The following ADCY5 variants were observed in gnomAD, a reference collection of about 807,000 sequenced individuals.
ADCY5 encodes adenylate cyclase 5, also known as adenylate cyclase type 5.
Under a neutral mutation model 119.7 loss-of-function variants are expected in ADCY5, and 30 were observed. The ratio of observed to expected loss-of-function variants is 0.25; its 90% CI spans 0.19 to 0.34. The LOEUF is 0.34. ADCY5 is among the 10% of genes least tolerant of loss of function. ADCY5 has a pLI of 1.00. For synonymous variants in ADCY5, 753 were observed against 762.2 expected, an observed-to-expected ratio of 0.99 and a Z score of 0.20; for missense variants, 1,324 against 1,775.2, an observed-to-expected ratio of 0.75 and a Z score of 4.57.
intron 9 of ADCY5, 125 bp downstream of exon 9, chr3:123,320,624 C>T: frequency 7.4e-7 from 1 of 1,343,424 alleles, no homozygotes; most frequent in Non-Finnish European, 1.1e-6. Context: ...GGGCTCCATT[C>T]ACTCTCAGCT....
chr3:123,296,893 G>T (rs925700951), intron 16 of ADCY5: 2 of 1,147,444 alleles, frequency 1.7e-6, no homozygotes, highest in African/African-American at 1.6e-5. Context: ...CTGGAAGGCT[G>T]CACAGAGGCT....
intron 1 of ADCY5, among the ~76,000 whole-genome samples, chr3:123,360,349 G>C (rs1416841974): frequency 6.6e-6 from 1 of 152,078 alleles, no homozygotes; most frequent in Admixed American, 6.5e-5. Context: ...CTAGGATCTA[G>C]CTGCTCTGGG....
intron 6 of ADCY5, among the ~76,000 whole-genome samples, chr3:123,328,433 G>A (rs1184148835): frequency 3.9e-5 from 6 of 152,198 alleles, no homozygotes; most frequent in Admixed American, 1.3e-4. Context: ...GTGACATAAT[G>A]CTCCCACAAC....
chr3:123,362,551 G>A (rs1943284139), intron 1 of ADCY5, among the ~76,000 whole-genome samples: 1 of 152,156 alleles, frequency 6.6e-6, no homozygotes, highest in African/African-American at 2.4e-5. Context: ...TGCGCAACCG[G>A]AGAGAAATAA....
rs542554869 is a variant in ADCY5, at chr3:123,354,278, G to A, written c.1135-1697C>T. On this transcript the variant is annotated intron_variant, in intron 1 of 20. Transcript: ENST00000462833. Reference sequence around the variant, plus strand: ...CCAAAGAATGGCTGCTTGAGCCCACGGCTTCTGGAAGATTCATCAGAGGCA... The same window carrying A: ...CCAAAGAATGGCTGCTTGAGCCCACAGCTTCTGGAAGATTCATCAGAGGCA... 1.3e-3 allele frequency among the ~76,000 whole-genome samples: 201 copies of A among 152,304 alleles called. 1 individual carries two copies. Among genetic ancestry groups the A allele is most frequent in the African/African-American group, 4.6e-3 (192 of 41,556 alleles).
chr3:123,380,909 A>C (rs777362952), intron 1 of ADCY5, among the ~76,000 whole-genome samples: 28 of 152,186 alleles, frequency 1.8e-4, no homozygotes, highest in Admixed American at 1.1e-3. Flanking sequence ...ATCAGGGTTA[A>C]TGACAGGTCA....
chr3:123,297,791 C>A (rs1939612414), intron 15 of ADCY5, among the ~76,000 whole-genome samples: 1 of 152,162 alleles, frequency 6.6e-6, no homozygotes, highest in African/African-American at 2.4e-5. Flanking sequence ...GGGGCTGGTG[C>A]AAGCTAAAAT....
At chr3:123,361,466 T>A (rs1333357954) in intron 1 of ADCY5, among the ~76,000 whole-genome samples, 1 of 152,140 alleles carries the variant, frequency 6.6e-6, no homozygotes, top group South Asian at 2.1e-4. Flanking sequence ...CCATGCCCAT[T>A]AGTCACTGCC....
intron 1 of ADCY5, among the ~76,000 whole-genome samples, chr3:123,422,944 A>G (rs1364064099): frequency 6.6e-6 from 1 of 152,230 alleles, no homozygotes; most frequent in Non-Finnish European, 1.5e-5. Flanking sequence ...GAATCTGGAC[A>G]CGTGGTACAG....
intron 3 of ADCY5, among the ~76,000 whole-genome samples, chr3:123,343,019 C>T (rs1405531770): frequency 6.6e-6 from 1 of 152,348 alleles, no homozygotes; most frequent in East Asian, 1.9e-4. Context: ...GCTGGGCACC[C>T]TCTTACGGAT....
chr3:123,376,560 A>T (rs1421763904), intron 1 of ADCY5, among the ~76,000 whole-genome samples: 2 of 152,178 alleles, frequency 1.3e-5, no homozygotes, highest in Non-Finnish European at 2.9e-5. Context: ...TCAGGGCCTC[A>T]GGACACTGTC....
chr3:123,352,301 G>T lies in ADCY5; in HGVS notation c.1284+131C>A. The T allele has an allele frequency of 8.8e-7, 1 of 1,141,780 alleles. No homozygotes were observed. The highest frequency in any genetic ancestry group is 1.2e-6 in the Non-Finnish European group (1 of 835,294). The allele number at this position is 1,141,780 out of a possible 1,614,324, so 70.7% of individuals were successfully genotyped here. ...CTCTCCAGGGGAAACATTCCCCATG[G>T]GTTGGTCCCCTCCCGGGGAGTGGGG... On this transcript the variant is annotated intron_variant, in intron 2 of 20. Coordinates refer to ENST00000462833, the MANE Select transcript of ADCY5 (RefSeq NM_183357.3). This position sits in a 1 kb window ranked among gnomAD's most constrained non-coding sequence, Gnocchi z 4.8.
At chr3:123,443,113 C>T (rs770859578) in intron 1 of ADCY5, among the ~76,000 whole-genome samples, 15 of 152,212 alleles carry the variant, frequency 9.9e-5, no homozygotes, top group Non-Finnish European at 2.2e-4. Context: ...CCAGAGTGAT[C>T]CACCAGACAG....
intron 1 of ADCY5, among the ~76,000 whole-genome samples, chr3:123,399,647 A>C (rs1944701374): frequency 6.6e-6 from 1 of 152,138 alleles, no homozygotes; most frequent in Non-Finnish European, 1.5e-5. Flanking sequence ...AGTTTTCTTT[A>C]ACCTTGATGT....
intron 3 of ADCY5, 141 bp downstream of exon 3, chr3:123,347,641 G>A: frequency 9.1e-7 from 1 of 1,096,044 alleles, no homozygotes; most frequent in Non-Finnish European, 1.3e-6. Flanking sequence ...TGGAGGGGTG[G>A]GGCTGGCATG....
At position 123,325,475 on chromosome 3, in the gene ADCY5, C is replaced by T; in HGVS notation, c.1948-13G>A. ...CCTTCTCTTCTTTCTGGAAGACGAA[C>T]ACAGAGATGGGGGGAGATGAGGAGT... On this transcript the variant is annotated splice_polypyrimidine_tract_variant and intron_variant, in intron 7 of 20. Coordinates refer to ENST00000462833, the MANE Select transcript of ADCY5 (RefSeq NM_183357.3). 3 of 1,611,542 alleles carry T rather than the reference C, an allele frequency of 1.9e-6. No homozygotes were observed. The highest frequency in any genetic ancestry group is 2.5e-6 in the Non-Finnish European group (3 of 1,179,996).
intron 4 of ADCY5, among the ~76,000 whole-genome samples, chr3:123,331,573 T>A (rs1473121363): frequency 2.6e-5 from 4 of 152,220 alleles, no homozygotes; most frequent in Non-Finnish European, 5.9e-5. Context: ...AGCAAGCACA[T>A]GAGTGCCAAG....
At chr3:123,290,818 A>G (rs1367371231) in intron 18 of ADCY5, among the ~76,000 whole-genome samples, 1 of 152,138 alleles carries the variant, frequency 6.6e-6, no homozygotes, top group East Asian at 1.9e-4. Context: ...AAGTTCAAAC[A>G]GTGTGGGCTG....
chr3:123,431,389 T>C (rs1945519540), intron 1 of ADCY5, among the ~76,000 whole-genome samples: 2 of 152,108 alleles, frequency 1.3e-5, no homozygotes, highest in African/African-American at 4.8e-5. Context: ...GCACTATGAT[T>C]GTGCCTGTGA....
Sources: allele counts gnomAD v4.1 joint callset (sites outside exome capture counted in the v4.1 genomes callset), GRCh38; gene constraint gnomAD v4.1.1; non-coding constraint Gnocchi (gnomAD v3.1); transcripts MANE v1.5; gene names NCBI Gene and HGNC (gene_info 2026-07-23, HGNC 2026-07-21).